The following NPAS3 variants were observed in gnomAD, a reference collection of about 807,000 sequenced individuals.
NPAS3 encodes the protein neuronal PAS domain-containing protein 3.
Under a neutral mutation model 73.1 loss-of-function variants are expected in NPAS3, and 14 were observed. The observed-to-expected ratio is 0.19, with a 90% CI of 0.13 to 0.30. The LOEUF is 0.30. NPAS3 is among the 10% of genes least tolerant of loss of function. NPAS3 has a pLI of 1.00. For missense variants in NPAS3, 1,096 were observed against 1,250.0 expected, an observed-to-expected ratio of 0.88 and a Z score of 1.86; for synonymous variants, 620 against 541.5, an observed-to-expected ratio of 1.14 and a Z score of -2.01.
Position 33,445,628 on chromosome 14 carries a change from A to G in NPAS3, c.468+78360A>G, listed in dbSNP as rs115352784. Reference sequence around the variant, plus strand: ...TACCAAGCCATAACCTCAAGGATGAAGATATTTCCCCAAGGCCTTCAGTTT... The same window carrying G: ...TACCAAGCCATAACCTCAAGGATGAGGATATTTCCCCAAGGCCTTCAGTTT... On this transcript the variant is annotated intron_variant, in intron 4 of 11. Coordinates refer to ENST00000356141, the Ensembl canonical transcript of NPAS3. Among the ~76,000 whole-genome samples, 532 of 152,344 alleles carry G rather than the reference A, an allele frequency of 3.5e-3. 2 individuals carry two copies. The highest frequency in any genetic ancestry group is 0.011 in the African/African-American group (459 of 41,576).
At chr14:33,613,887 C>G (rs1046805591) in intron 5 of NPAS3, among the ~76,000 whole-genome samples, 1 of 152,138 alleles carries the variant, frequency 6.6e-6, no homozygotes, top group African/African-American at 2.4e-5. Flanking sequence ...TTTCCTTCTC[C>G]CCCCTCTTAT....
intron 4 of NPAS3, among the ~76,000 whole-genome samples, chr14:33,522,285 A>G (rs1353987579): frequency 6.6e-6 from 1 of 152,128 alleles, no homozygotes; most frequent in Non-Finnish European, 1.5e-5. Flanking sequence ...GTAATTATAA[A>G]TACTAGATTG....
At chr14:33,476,563 C>T (rs554018670) in intron 4 of NPAS3, among the ~76,000 whole-genome samples, 1 of 152,298 alleles carries the variant, frequency 6.6e-6, no homozygotes, top group South Asian at 2.1e-4. Context: ...CCTCTATTGT[C>T]AATTTAGTAT....
intron 3 of NPAS3, among the ~76,000 whole-genome samples, chr14:33,298,857 G>A (rs2042411310): frequency 6.6e-6 from 1 of 152,124 alleles, no homozygotes; most frequent in Non-Finnish European, 1.5e-5. Flanking sequence ...AGGAAAACAG[G>A]AACAGAAATA....
intron 5 of NPAS3, among the ~76,000 whole-genome samples, chr14:33,576,526 T>C (rs1166928239): frequency 6.6e-6 from 1 of 152,176 alleles, no homozygotes; most frequent in African/African-American, 2.4e-5. Flanking sequence ...CTACCCTGAA[T>C]CATTTAAAAA....
chr14:33,642,985 C>T (rs948176985), intron 5 of NPAS3, among the ~76,000 whole-genome samples: 1 of 152,116 alleles, frequency 6.6e-6, no homozygotes, highest in Non-Finnish European at 1.5e-5. Flanking sequence ...AGAGAAATGG[C>T]TTTTATCTAT....
intron 4 of NPAS3, among the ~76,000 whole-genome samples, chr14:33,482,053 G>GTTTTTT (rs35267663): frequency 7.3e-6 from 1 of 137,582 alleles, no homozygotes; most frequent in Non-Finnish European, 1.6e-5. Flanking sequence ...TCAGAAGCAA[G>GTTTTTT]TTTTTTTTTT....
intron 5 of NPAS3, among the ~76,000 whole-genome samples, chr14:33,567,821 A>C (rs77280943): frequency 6.6e-6 from 1 of 152,212 alleles, no homozygotes; most frequent in Non-Finnish European, 1.5e-5. Context: ...GTAGACCACT[A>C]TCTGTGAAAG....
At chr14:33,094,646 C>T (rs539500611) in intron 2 of NPAS3, among the ~76,000 whole-genome samples, 3 of 151,928 alleles carry the variant, frequency 2.0e-5, no homozygotes, top group Admixed American at 1.3e-4. Flanking sequence ...TTGTATTTTT[C>T]GTAGAGATGA....
chr14:33,543,824 G>A (rs1253947754), intron 4 of NPAS3, among the ~76,000 whole-genome samples: 2 of 151,802 alleles, frequency 1.3e-5, no homozygotes, highest in Admixed American at 6.6e-5. Flanking sequence ...AAAAACTCAA[G>A]AATCTCTGCC....
chr14:33,085,678 T>G (rs1297967884), intron 2 of NPAS3, among the ~76,000 whole-genome samples: 1 of 152,176 alleles, frequency 6.6e-6, no homozygotes, highest in Non-Finnish European at 1.5e-5. Flanking sequence ...GTACTAAGCA[T>G]GCCGTTTTTC....
chr14:33,134,159 T>C (rs1299408878), intron 2 of NPAS3, among the ~76,000 whole-genome samples: 1 of 152,160 alleles, frequency 6.6e-6, no homozygotes, highest in African/African-American at 2.4e-5. Context: ...TCAAATCTTT[T>C]AGGAATTTTT....
intron 7 of NPAS3, among the ~76,000 whole-genome samples, chr14:33,754,258 G>A (rs768943566): frequency 3.9e-5 from 6 of 152,232 alleles, no homozygotes; most frequent in Non-Finnish European, 7.4e-5. Flanking sequence ...GGAAATAGGT[G>A]GGGTGTGAGG....
chr14:33,701,435 A>T (rs146916805), intron 6 of NPAS3, among the ~76,000 whole-genome samples: 7 of 152,332 alleles, frequency 4.6e-5, no homozygotes, highest in Admixed American at 3.3e-4. Flanking sequence ...CTGCGTATGG[A>T]TGTGAGTCAT....
rs147259363 is a variant in NPAS3 at position 33,028,018 on chromosome 14, C to G, written c.51-27887C>G. On this transcript the variant is annotated intron_variant, in intron 1 of 11. Transcript: ENST00000356141. ...ACTCATATAACCTGGGCTACTTTCA[C>G]TTAACACATAGTTACTCATAAAATG... Among the ~76,000 whole-genome samples, 1,052 of 152,290 alleles carry G rather than the reference C, an allele frequency of 6.9e-3. 8 individuals carry two copies. The highest frequency in any genetic ancestry group is 0.018 in the African/African-American group (749 of 41,564).
intron 6 of NPAS3, among the ~76,000 whole-genome samples, 189 bp from the exon 7 acceptor site, chr14:33,735,025 A>G (rs1237266908): frequency 6.6e-6 from 1 of 152,150 alleles, no homozygotes; most frequent in East Asian, 1.9e-4. Context: ...GTGACTCTAG[A>G]TACATTAATT....
intron 6 of NPAS3, chr14:33,680,926 T>C: frequency 4.7e-6 from 2 of 421,144 alleles, no homozygotes; most frequent in South Asian, 9.2e-5. Flanking sequence ...ATCATCATTA[T>C]AGTAGTATGA....
chr14:33,775,966 G>C (rs535626421), intron 8 of NPAS3, among the ~76,000 whole-genome samples: 1 of 152,266 alleles, frequency 6.6e-6, no homozygotes, highest in South Asian at 2.1e-4. Flanking sequence ...CATTGCCTTT[G>C]GGCAATTTCA....
At chr14:33,349,274 C>T (rs893151639) in intron 3 of NPAS3, among the ~76,000 whole-genome samples, 3 of 152,124 alleles carry the variant, frequency 2.0e-5, no homozygotes, top group South Asian at 2.1e-4. Flanking sequence ...AAAACAGTTT[C>T]GTCCAGAAAT....
Sources: gnomAD v4.1 joint callset for allele counts (sites outside exome capture counted in the v4.1 genomes callset) on GRCh38, gnomAD v4.1.1 for gene constraint, MANE v1.5 for transcripts, NCBI Gene and HGNC (gene_info 2026-07-23, HGNC 2026-07-21) for gene names.